KCNN3: variants seen among roughly 807,000 people sequenced by gnomAD.
The protein encoded by KCNN3 is potassium calcium-activated channel subfamily N member 3.
In KCNN3, 16 loss-of-function variants were observed where a neutral mutation model predicts 62.9. That is an observed-to-expected ratio of 0.25 (90% CI 0.17 to 0.39). The LOEUF (loss-of-function observed/expected upper bound fraction) is 0.39, where lower values mean the gene tolerates loss of function less well. Ranked by LOEUF, KCNN3 falls within the 10% of genes least tolerant of loss-of-function variation. KCNN3 has a pLI of 1.00. For missense variants in KCNN3, 599 were observed against 949.4 expected (o/e 0.63, Z 4.85); for synonymous variants, 370 against 389.2 (o/e 0.95, Z 0.58).
intron 2 of KCNN3, among the ~76,000 whole-genome samples, chr1:154,820,388 C>G (rs970379346): frequency 2.0e-5 from 3 of 152,238 alleles, no homozygotes; most frequent in Non-Finnish European, 4.4e-5. Context: ...CTCTTCTTCC[C>G]CTTCCTCAAG....
intron 3 of KCNN3, among the ~76,000 whole-genome samples, chr1:154,761,443 G>A (rs1352699458): frequency 6.6e-6 from 1 of 152,088 alleles, no homozygotes; most frequent in African/African-American, 2.4e-5. Context: ...ACTACAGCCC[G>A]GATGACAGAG....
intron 1 of KCNN3, among the ~76,000 whole-genome samples, chr1:154,837,938 T>C (rs1651662104): frequency 6.6e-6 from 1 of 151,930 alleles, no homozygotes; most frequent in South Asian, 2.1e-4. Context: ...TGTGCTGAGG[T>C]CAGCGGGGAG....
intron 3 of KCNN3, among the ~76,000 whole-genome samples, chr1:154,769,022 G>T (rs1328917422): frequency 6.6e-6 from 1 of 151,924 alleles, no homozygotes; most frequent in Non-Finnish European, 1.5e-5. Context: ...TCAGATTTTG[G>T]CTCCACGCTT....
intron 1 of KCNN3, among the ~76,000 whole-genome samples, chr1:154,844,519 C>A (rs1651966762): frequency 6.6e-6 from 1 of 152,230 alleles, no homozygotes; most frequent in Non-Finnish European, 1.5e-5. Flanking sequence ...GGAGTAGTCC[C>A]CAGTGGGGCA....
chr1:154,723,472 T>C (rs1700400328), intron 5 of KCNN3, among the ~76,000 whole-genome samples: 1 of 152,206 alleles, frequency 6.6e-6, no homozygotes, highest in Non-Finnish European at 1.5e-5. Flanking sequence ...AGGAGGATGT[T>C]AGGGAATCAT....
chr1:154,735,276 C>T (rs1025029969), intron 3 of KCNN3, among the ~76,000 whole-genome samples: 4 of 152,196 alleles, frequency 2.6e-5, no homozygotes, highest in Non-Finnish European at 4.4e-5. Context: ...CTAGCAGATT[C>T]CCGCGAGCAC....
intron 2 of KCNN3, among the ~76,000 whole-genome samples, chr1:154,792,668 G>C (rs1276565534): frequency 1.3e-5 from 2 of 152,210 alleles, no homozygotes; most frequent in Non-Finnish European, 2.9e-5. Context: ...AAGAAGGGTA[G>C]AGACGGAAAG....
At chr1:154,758,660 G>A (rs75962547) in intron 3 of KCNN3, among the ~76,000 whole-genome samples, 4,113 of 152,252 alleles carry the variant, frequency 0.027, 186 homozygotes, top group African/African-American at 0.094. Context: ...CATCCAGACC[G>A]AATGGAACGA....
intron 2 of KCNN3, among the ~76,000 whole-genome samples, chr1:154,814,089 G>A (rs1650556160): frequency 6.6e-6 from 1 of 152,370 alleles, no homozygotes; most frequent in East Asian, 1.9e-4. Context: ...GAGGGCCATG[G>A]TGGGCATGGC....
intron 1 of KCNN3, among the ~76,000 whole-genome samples, chr1:154,823,512 C>T (rs1650988554): frequency 6.6e-6 from 1 of 152,212 alleles, no homozygotes; most frequent in South Asian, 2.1e-4. Flanking sequence ...CAGGCTGAGG[C>T]CCAGAGGAGG....
At chr1:154,851,431 A>T (rs1205645733) in intron 1 of KCNN3, among the ~76,000 whole-genome samples, 1 of 152,166 alleles carries the variant, frequency 6.6e-6, no homozygotes, top group Non-Finnish European at 1.5e-5. Flanking sequence ...TGCTACACGC[A>T]TTATATGGAA....
chr1:154,829,914 T>A (rs970504596), intron 1 of KCNN3, among the ~76,000 whole-genome samples: 4 of 152,078 alleles, frequency 2.6e-5, no homozygotes, highest in African/African-American at 4.8e-5. Context: ...CCTTTCACCA[T>A]CTGACCCCAT....
intron 4 of KCNN3, among the ~76,000 whole-genome samples, chr1:154,726,608 C>T (rs2101783597): frequency 6.6e-6 from 1 of 152,310 alleles, no homozygotes; most frequent in Middle Eastern, 3.4e-3. Flanking sequence ...AACACGTGCA[C>T]TCAGTGACTG....
At chr1:154,766,443 T>TATATATATATATATATATATAC (rs59460104) in intron 3 of KCNN3, among the ~76,000 whole-genome samples, 1 of 133,528 alleles carries the variant, frequency 7.5e-6, no homozygotes, top group African/African-American at 2.7e-5. Flanking sequence ...TATATATATA[T>TATATATATATATATATATATAC]GTAGAAGTTC....
chr1:154,712,969 C>G (rs567179540), intron 7 of KCNN3, among the ~76,000 whole-genome samples: 3 of 152,158 alleles, frequency 2.0e-5, no homozygotes, highest in Admixed American at 6.5e-5. Flanking sequence ...TGCACCCCCC[C>G]ACACACACCA....
intron 1 of KCNN3, among the ~76,000 whole-genome samples, chr1:154,860,111 G>C (rs1652704102): frequency 6.6e-6 from 1 of 152,174 alleles, no homozygotes; most frequent in Non-Finnish European, 1.5e-5. Context: ...CACCTGGCTG[G>C]GAACGTCACC....
chr1:154,743,625 A>G (rs1159191425), intron 3 of KCNN3, among the ~76,000 whole-genome samples: 3 of 152,162 alleles, frequency 2.0e-5, no homozygotes, highest in African/African-American at 7.2e-5. Context: ...GCGTACTTCA[A>G]ATTCTGAATG....
intron 5 of KCNN3, among the ~76,000 whole-genome samples, chr1:154,725,173 A>AT (rs951290989): frequency 1.1e-4 from 17 of 151,962 alleles, no homozygotes; most frequent in African/African-American, 3.1e-4. Flanking sequence ...TCTTTAAATG[A>AT]TTTTTTTTAA....
intron 2 of KCNN3, among the ~76,000 whole-genome samples, chr1:154,778,056 C>T (rs951690217): frequency 2.6e-5 from 4 of 152,208 alleles, no homozygotes; most frequent in African/African-American, 7.2e-5. Flanking sequence ...GTACCACAGT[C>T]TCTGGTTTCC....
Sources: gnomAD v4.1 joint callset for allele counts (sites outside exome capture counted in the v4.1 genomes callset) on GRCh38, gnomAD v4.1.1 for gene constraint, MANE v1.5 for transcripts, NCBI Gene and HGNC (gene_info 2026-07-23, HGNC 2026-07-21) for gene names.